Variants in FRMD5 observed in about 807,000 individuals in gnomAD.
The protein encoded by FRMD5 is FERM domain containing 5.
In FRMD5, 20 loss-of-function variants were observed where a neutral mutation model predicts 69.0. That is an observed-to-expected ratio of 0.29 (90% CI 0.20 to 0.42). The LOEUF (loss-of-function observed/expected upper bound fraction) is 0.42. FRMD5 is among the 10% of genes least tolerant of loss of function. FRMD5 has a pLI of 1.00. For missense variants in FRMD5, 595 were observed against 708.6 expected, an observed-to-expected ratio of 0.84 and a Z score of 1.82; for synonymous variants, 271 against 260.1, an observed-to-expected ratio of 1.04 and a Z score of -0.40.
At chr15:43,983,258 T>C (rs2090575355) in intron 1 of FRMD5, among the ~76,000 whole-genome samples, 1 of 152,198 alleles carries the variant, frequency 6.6e-6, no homozygotes, top group African/African-American at 2.4e-5. Flanking sequence ...AAAGATACTC[T>C]TTCCCTTCTC....
intron 1 of FRMD5, among the ~76,000 whole-genome samples, chr15:44,125,143 G>C (rs1026391039): frequency 6.6e-5 from 10 of 152,098 alleles, no homozygotes; most frequent in African/African-American, 2.4e-4. Flanking sequence ...CTAAAACTAG[G>C]AAAGAATAAC....
chr15:44,173,166 G>C (rs554250396), intron 1 of FRMD5, among the ~76,000 whole-genome samples: 1 of 152,124 alleles, frequency 6.6e-6, no homozygotes, highest in African/African-American at 2.4e-5. Flanking sequence ...ACATCTAAAG[G>C]AAACAAATCC....
intron 1 of FRMD5, among the ~76,000 whole-genome samples, chr15:43,959,244 G>A (rs2090160491): frequency 6.6e-6 from 1 of 152,344 alleles, no homozygotes; most frequent in East Asian, 1.9e-4. Context: ...AGTACAATGT[G>A]AGTACTGCCA....
intron 4 of FRMD5, among the ~76,000 whole-genome samples, chr15:43,910,479 C>A (rs550357172): frequency 6.8e-6 from 1 of 146,546 alleles, no homozygotes; most frequent in Admixed American, 7.1e-5. Context: ...TTACCGAGGT[C>A]AACCAGACCT....
chr15:44,154,173 A>T (rs2077490298), intron 1 of FRMD5, among the ~76,000 whole-genome samples: 1 of 151,950 alleles, frequency 6.6e-6, no homozygotes, highest in African/African-American at 2.4e-5. Context: ...AAATACAAAA[A>T]TTAACTGGGT....
chr15:43,903,297 C>T (rs181617045), intron 6 of FRMD5, among the ~76,000 whole-genome samples: 6 of 152,278 alleles, frequency 3.9e-5, no homozygotes, highest in South Asian at 2.1e-4. Context: ...GCACGTTGCT[C>T]GTTTCTAAGC....
intron 1 of FRMD5, among the ~76,000 whole-genome samples, chr15:44,121,076 CT>C (rs1300216707): frequency 4.0e-5 from 6 of 151,778 alleles, no homozygotes; most frequent in Admixed American, 3.9e-4. Flanking sequence ...GTATAACCCC[CT>C]GAAGGAAGGA....
rs367810007 is a variant in FRMD5, at chr15:44,105,222, G to A, written c.102+89731C>T. Among the ~76,000 whole-genome samples, 63 of 151,678 alleles carry A rather than the reference G, an allele frequency of 4.2e-4. 1 individual carries two copies. In the East Asian group the frequency reaches 8.1e-3, roughly 20 times the overall value. On this transcript the variant is annotated intron_variant, in intron 1 of 13. Transcript: ENST00000417257. ...CTCTTGAGTAGCTGGGACCACAAGC[G>A]CGCAACACCTCGCCCAGCTAATTTT...
At chr15:44,178,643 T>C (rs941075389) in intron 1 of FRMD5, among the ~76,000 whole-genome samples, 14 of 152,158 alleles carry the variant, frequency 9.2e-5, no homozygotes, top group African/African-American at 3.1e-4. Flanking sequence ...ACTAAAGTTG[T>C]CTGGCCAAGT....
chr15:43,939,878 T>C (rs1466835239), intron 1 of FRMD5, among the ~76,000 whole-genome samples: 1 of 152,122 alleles, frequency 6.6e-6, no homozygotes, highest in Non-Finnish European at 1.5e-5. Context: ...TCTTTTTCAT[T>C]TGTCAGAGAT....
intron 1 of FRMD5, among the ~76,000 whole-genome samples, chr15:44,125,863 C>A (rs1373764760): frequency 1.3e-5 from 2 of 152,174 alleles, no homozygotes; most frequent in Non-Finnish European, 2.9e-5. Context: ...TGCTACCCTG[C>A]CACCACTGAC....
chr15:44,036,696 G>A (rs1006114743), intron 1 of FRMD5, among the ~76,000 whole-genome samples: 5 of 152,160 alleles, frequency 3.3e-5, no homozygotes, highest in African/African-American at 1.2e-4. Flanking sequence ...GATTCTCTTG[G>A]ATTTTTCTAA....
chr15:44,115,356 A>G lies in FRMD5; in HGVS notation c.102+79597T>C, dbSNP rs147158907. Reference sequence around the variant, plus strand: ...AGTTTTCTGCACTACTCAAACATATATGTCACATTGCATTTTATTCTTTTA... The same window carrying G: ...AGTTTTCTGCACTACTCAAACATATGTGTCACATTGCATTTTATTCTTTTA... On this transcript the variant is annotated intron_variant, in intron 1 of 13. Transcript: ENST00000417257. Among the ~76,000 whole-genome samples the G allele has an allele frequency of 2.0e-5, 3 of 152,322 alleles. No individual in the cohort carries two copies. In the East Asian group the frequency reaches 5.8e-4, roughly 29 times the overall value.
At chr15:44,010,271 C>T (rs1177123641) in intron 1 of FRMD5, among the ~76,000 whole-genome samples, 1 of 152,136 alleles carries the variant, frequency 6.6e-6, no homozygotes, top group Admixed American at 6.5e-5. Context: ...AGCAGAAAAC[C>T]CAAGTGGTTA....
At chr15:44,188,304 A>T (rs1205988403) in intron 1 of FRMD5, among the ~76,000 whole-genome samples, 1 of 152,194 alleles carries the variant, frequency 6.6e-6, no homozygotes, top group Non-Finnish European at 1.5e-5. Context: ...CCTAGCATTT[A>T]CCTTGCAAGG....
chr15:44,173,929 A>T (rs553375495), intron 1 of FRMD5, among the ~76,000 whole-genome samples: 14 of 149,888 alleles, frequency 9.3e-5, no homozygotes, highest in Admixed American at 7.3e-4. Flanking sequence ...CATTTTCTCT[A>T]TTTTTTTTTT....
At chr15:43,899,520 T>A (rs915485564) in intron 7 of FRMD5, among the ~76,000 whole-genome samples, 1 of 152,142 alleles carries the variant, frequency 6.6e-6, no homozygotes, top group African/African-American at 2.4e-5. Flanking sequence ...ATGCCAGTCT[T>A]CTTATCTATA....
intron 1 of FRMD5, among the ~76,000 whole-genome samples, chr15:44,170,245 C>CT (rs1446200144): frequency 2.0e-5 from 3 of 152,100 alleles, no homozygotes; most frequent in Admixed American, 2.0e-4. Flanking sequence ...TTTAATTAGG[C>CT]CAGACATGGT....
chr15:44,173,899 G>T (rs920879300), intron 1 of FRMD5, among the ~76,000 whole-genome samples: 2 of 152,040 alleles, frequency 1.3e-5, no homozygotes, highest in African/African-American at 2.4e-5. Flanking sequence ...GCACTAAAAT[G>T]TATAAAGTAC....
Sources: allele counts gnomAD v4.1 joint callset (sites outside exome capture counted in the v4.1 genomes callset), GRCh38; gene constraint gnomAD v4.1.1; transcripts MANE v1.5; gene names NCBI Gene and HGNC (gene_info 2026-07-23, HGNC 2026-07-21).